ADARB2: variants seen among roughly 807,000 people sequenced by gnomAD.
ADARB2 encodes the protein adenosine deaminase RNA specific B2 (inactive).
Under a neutral mutation model 62.2 loss-of-function variants are expected in ADARB2, and 25 were observed. The observed-to-expected ratio is 0.40, with a 90% CI of 0.29 to 0.56. The LOEUF (loss-of-function observed/expected upper bound fraction) is 0.56. Among genes scored for constraint, ADARB2 ranks in the 20% least tolerant of loss-of-function variants. The pLI, the probability that ADARB2 is intolerant of heterozygous loss-of-function variation, is 0.43. For synonymous variants in ADARB2, 572 were observed against 500.8 expected, an observed-to-expected ratio of 1.14 and a Z score of -1.90; for missense variants, 1,071 against 1,077.4, an observed-to-expected ratio of 0.99 and a Z score of 0.08.
At chr10:1,373,519 ATG>A (rs1832392485) in intron 2 of ADARB2, among the ~76,000 whole-genome samples, 2 of 152,148 alleles carry the variant, frequency 1.3e-5, no homozygotes. Context: ...GTAATTGTGC[ATG>A]TGTGACTGTG....
At chr10:1,560,322 G>A (rs1158818096) in intron 1 of ADARB2, among the ~76,000 whole-genome samples, 2 of 152,334 alleles carry the variant, frequency 1.3e-5, no homozygotes, top group East Asian at 3.9e-4. Context: ...ATTCGTTTTA[G>A]TAAAAAGCAG....
chr10:1,298,900 C>T lies in ADARB2; in HGVS notation c.1078-27831G>A, dbSNP rs764127112. 9.3e-5 allele frequency among the ~76,000 whole-genome samples: 14 copies of T among 150,946 alleles called. 1 individual carries two copies. Among genetic ancestry groups the T allele is most frequent in the African/African-American group, 2.0e-4 (8 of 40,998 alleles). On this transcript the variant is annotated intron_variant, in intron 3 of 9. Coordinates refer to ENST00000381312, the MANE Select transcript of ADARB2 (RefSeq NM_018702.4). ...GACCACTGACGTGCATCACCATGCC[C>T]GGTTAAGTTTTTATTTTTATTTTTT... is the stretch of plus-strand genomic sequence containing the variant.
chr10:1,688,457 C>G (rs867097445), intron 1 of ADARB2, among the ~76,000 whole-genome samples: 1 of 152,210 alleles, frequency 6.6e-6, no homozygotes, highest in Non-Finnish European at 1.5e-5. Flanking sequence ...CTGCCATATT[C>G]CCCCAGACAA....
At chr10:1,465,509 C>T (rs891116518) in intron 1 of ADARB2, among the ~76,000 whole-genome samples, 5 of 152,194 alleles carry the variant, frequency 3.3e-5, no homozygotes, top group African/African-American at 9.6e-5. Flanking sequence ...GGGACCGTGA[C>T]GACCGCAGTG....
chr10:1,355,072 C>G (rs1334356939), intron 3 of ADARB2, among the ~76,000 whole-genome samples: 2 of 152,238 alleles, frequency 1.3e-5, no homozygotes, highest in Non-Finnish European at 2.9e-5. Flanking sequence ...ACCACCAGGA[C>G]ATGATGCCCA....
intron 6 of ADARB2, among the ~76,000 whole-genome samples, chr10:1,231,954 C>T (rs570291063): frequency 2.0e-4 from 30 of 152,304 alleles, no homozygotes; most frequent in Non-Finnish European, 3.2e-4. Context: ...GCATGACAAG[C>T]CTGACAACAG....
intron 1 of ADARB2, among the ~76,000 whole-genome samples, chr10:1,457,764 TC>T (rs1278865614): frequency 6.6e-6 from 1 of 152,030 alleles, no homozygotes; most frequent in African/African-American, 2.4e-5. Context: ...AGGATAGATA[TC>T]CCCCTGTTTC....
intron 4 of ADARB2, among the ~76,000 whole-genome samples, chr10:1,244,430 C>T (rs1830958563): frequency 6.6e-6 from 1 of 152,204 alleles, no homozygotes; most frequent in Non-Finnish European, 1.5e-5. Context: ...GAGGCCCCGG[C>T]CTGCTCCTTC....
intron 3 of ADARB2, among the ~76,000 whole-genome samples, chr10:1,273,109 G>A (rs528747218): frequency 1.6e-4 from 25 of 152,306 alleles, no homozygotes; most frequent in African/African-American, 6.0e-4. Flanking sequence ...CCAGGATGAG[G>A]CCATCTCAAA....
At chr10:1,377,480 T>C (rs1338947560) in intron 2 of ADARB2, among the ~76,000 whole-genome samples, 1 of 135,818 alleles carries the variant, frequency 7.4e-6, no homozygotes. Flanking sequence ...GGGGTGTGTG[T>C]GCGCATGTGT....
chr10:1,400,340 G>A (rs1484297491), intron 1 of ADARB2, among the ~76,000 whole-genome samples: 1 of 152,190 alleles, frequency 6.6e-6, no homozygotes, highest in Non-Finnish European at 1.5e-5. Context: ...ACACCTCAGG[G>A]CCTGGACTCT....
chr10:1,191,161 G>C lies in ADARB2; in HGVS notation c.1865-6122C>G, dbSNP rs565033858. ...ACACGGCGTAGAACAGGGGTTTGCAGGTGGCAGCTCATGGGCTACTTCTCC... is the reference window on the plus strand; with the variant it reads ...ACACGGCGTAGAACAGGGGTTTGCACGTGGCAGCTCATGGGCTACTTCTCC... On this transcript the variant is annotated intron_variant, in intron 8 of 9. Transcript: ENST00000381312. 5.8e-3 allele frequency among the ~76,000 whole-genome samples: 887 copies of C among 152,372 alleles called. 8 individuals carry two copies. The highest frequency in any genetic ancestry group is 0.02 in the African/African-American group (824 of 41,596).
chr10:1,290,594 GGCTTTT>G (rs1831457236), intron 3 of ADARB2: 1 of 152,180 alleles, frequency 6.6e-6, no homozygotes, highest in Non-Finnish European at 1.5e-5. Flanking sequence ...GCCTTCCAAG[GGCTTTT>G]CACTAATTGA....
intron 1 of ADARB2, among the ~76,000 whole-genome samples, chr10:1,411,405 A>T (rs899971708): frequency 2.6e-5 from 4 of 152,244 alleles, no homozygotes; most frequent in Non-Finnish European, 4.4e-5. Context: ...CGTCCTCTCC[A>T]GGCCACCAGT....
At chr10:1,650,889 C>T (rs568930866) in intron 1 of ADARB2, among the ~76,000 whole-genome samples, 3 of 152,248 alleles carry the variant, frequency 2.0e-5, no homozygotes, top group African/African-American at 7.2e-5. Flanking sequence ...CCCGCGTGTC[C>T]GAGATGGTGG....
intron 1 of ADARB2, among the ~76,000 whole-genome samples, chr10:1,698,804 G>A (rs1040254059): frequency 6.6e-6 from 1 of 152,192 alleles, no homozygotes; most frequent in Non-Finnish European, 1.5e-5. Context: ...CTGTCGCTCA[G>A]GCTGGAATGC....
chr10:1,248,598 A>G (rs985578593), intron 4 of ADARB2, among the ~76,000 whole-genome samples: 3 of 152,250 alleles, frequency 2.0e-5, no homozygotes, highest in Admixed American at 1.3e-4. Flanking sequence ...CAGGAAGCCC[A>G]GGATGGGGCG....
chr10:1,478,589 C>A (rs983804710), intron 1 of ADARB2, among the ~76,000 whole-genome samples: 1 of 151,652 alleles, frequency 6.6e-6, no homozygotes, highest in Non-Finnish European at 1.5e-5. Context: ...GACGGGAGAG[C>A]ACCAAAACAA....
chr10:1,558,393 T>C (rs1832737403), intron 1 of ADARB2, among the ~76,000 whole-genome samples: 1 of 124,858 alleles, frequency 8.0e-6, no homozygotes. Flanking sequence ...TAAACTCGAA[T>C]CCCACCTCTG....
Sources: allele counts gnomAD v4.1 joint callset (sites outside exome capture counted in the v4.1 genomes callset), GRCh38; gene constraint gnomAD v4.1.1; transcripts MANE v1.5; gene names NCBI Gene and HGNC (gene_info 2026-07-23, HGNC 2026-07-21).